The following TESMIN variants were observed in gnomAD, a reference collection of about 807,000 sequenced individuals.
TESMIN encodes CXC domain containing 2.
A neutral mutation model predicts 47.4 loss-of-function variants in TESMIN; 34 were observed. The observed-to-expected ratio is 0.72, with a 90% CI of 0.55 to 0.96. The LOEUF is 0.96. Ranked by LOEUF, TESMIN falls within the 40% of genes least tolerant of loss-of-function variation. The probability of loss-of-function intolerance (pLI) is 0.00; values close to 1 mark genes in which losing one functional copy is unlikely to be tolerated. For synonymous variants in TESMIN, 278 were observed against 258.9 expected, an observed-to-expected ratio of 1.07 and a Z score of -0.71; for missense variants, 610 against 637.2, an observed-to-expected ratio of 0.96 and a Z score of 0.46.
Position 68,750,055 on chromosome 11 carries a change from T to C in TESMIN, c.471+135A>G, listed in dbSNP as rs910493550. On this transcript the variant is annotated intron_variant, in intron 2 of 9. Transcript: ENST00000255087. ...GAGTATACGCTCTACCGAGAATCAGTGACTCCGGTGGGCTGTGTGTGGTGT... is the reference window on the plus strand; with the variant it reads ...GAGTATACGCTCTACCGAGAATCAGCGACTCCGGTGGGCTGTGTGTGGTGT... 1.2e-5 allele frequency: 8 copies of C among 652,832 alleles called. No homozygotes were observed. The African/African-American group carries it at 1.3e-4, about 11-fold the overall frequency. The allele number at this position is 652,832 out of a possible 1,614,324, so 40.4% of individuals were successfully genotyped here. A position where few individuals can be genotyped will look rare whatever the true frequency, so the allele number is the denominator to read the frequency against.
At chr11:68,733,220 GA>G (rs1362841990) in intron 6 of TESMIN, among the ~76,000 whole-genome samples, 1 of 152,148 alleles carries the variant, frequency 6.6e-6, no homozygotes, top group East Asian at 1.9e-4. Flanking sequence ...ACCATCCCTT[GA>G]CCACACCTCC....
At chr11:68,744,595 T>C (rs1392575770) in intron 4 of TESMIN, among the ~76,000 whole-genome samples, 2 of 152,246 alleles carry the variant, frequency 1.3e-5, no homozygotes, top group Non-Finnish European at 2.9e-5. Context: ...ATGTTTACAT[T>C]AAAATGTAGG....
rs777110511 is a variant in TESMIN at position 68,747,338 on chromosome 11, G to A, written c.500C>T (p.Thr167Ile). The A allele has an allele frequency of 6.2e-7, 1 of 1,613,846 alleles. No homozygotes were observed. Among genetic ancestry groups the A allele is most frequent in the South Asian group, 1.1e-5 (1 of 91,082 alleles). Reference sequence around the variant, plus strand: ...TGCTTCTTCCGGATTATTACTTGTAGTAGTACCACCTGCTTCCTTGATTTC... The same window carrying A: ...TGCTTCTTCCGGATTATTACTTGTAATAGTACCACCTGCTTCCTTGATTTC... ...PVEIKEAGGT[T>I]TSNNPEEATL... The change falls in exon 3 of 10, where the codon ACT (threonine) becomes ATT (isoleucine). Residue 167 changes from threonine (T) to isoleucine (I), a missense_variant. Thr to Ile is a moderately conservative substitution (Grantham distance 89). Transcript: ENST00000255087.
At chr11:68,748,163 T>C (rs1946545752) in intron 2 of TESMIN, among the ~76,000 whole-genome samples, 1 of 152,202 alleles carries the variant, frequency 6.6e-6, no homozygotes, top group African/African-American at 2.4e-5. Flanking sequence ...GGTAACATAC[T>C]GAAGACCTCA....
chr11:68,735,764 T>C (rs901274092), intron 6 of TESMIN, among the ~76,000 whole-genome samples: 4 of 152,204 alleles, frequency 2.6e-5, no homozygotes, highest in Non-Finnish European at 4.4e-5. Context: ...AGAGGCAGCA[T>C]AGTTCGGCAC....
At chr11:68,709,507 G>A (rs1946037673) in intron 9 of TESMIN, among the ~76,000 whole-genome samples, 1 of 152,182 alleles carries the variant, frequency 6.6e-6, no homozygotes, top group Admixed American at 6.5e-5. Context: ...ATCACATAGC[G>A]CCAGCTATTC....
intron 6 of TESMIN, among the ~76,000 whole-genome samples, chr11:68,728,486 C>T (rs1946291053): frequency 6.6e-6 from 1 of 152,228 alleles, no homozygotes; most frequent in African/African-American, 2.4e-5. Flanking sequence ...GGTGAAGCAG[C>T]AAGTTCTGAT....
Position 68,708,330 on chromosome 11 carries a change from G to T in TESMIN, c.1505C>A (p.Ser502Tyr). Residue 502 changes from serine (S) to tyrosine (Y), a missense_variant, in exon 10 of 10, where the codon TCT (serine) becomes TAT (tyrosine). Coordinates refer to ENST00000255087, the MANE Select transcript of TESMIN (RefSeq NM_004923.3). ...LSQILHTEFK[S>Y]KGLKME ...ACTCTACTCCATTTTCAATCCCTTA[G>T]ATTTAAACTCAGTGTGGAGAATCTG... 6.2e-7 allele frequency: 1 copy of T among 1,609,086 alleles called. No homozygotes were observed. The highest frequency in any genetic ancestry group is 1.1e-5 in the South Asian group (1 of 90,208).
intron 6 of TESMIN, among the ~76,000 whole-genome samples, chr11:68,734,832 G>C (rs1035901389): frequency 6.6e-6 from 1 of 152,326 alleles, no homozygotes; most frequent in South Asian, 2.1e-4. Flanking sequence ...TCTGTGCTCC[G>C]AGCGCCCGCA....
At chr11:68,722,698 C>T (rs1946216916) in intron 6 of TESMIN, among the ~76,000 whole-genome samples, 1 of 152,066 alleles carries the variant, frequency 6.6e-6, no homozygotes, top group African/African-American at 2.4e-5. Context: ...ACAGAAAGTG[C>T]AAAACTAAAG....
chr11:68,733,895 A>T (rs762653340), intron 6 of TESMIN, among the ~76,000 whole-genome samples: 91 of 152,300 alleles, frequency 6.0e-4, no homozygotes, highest in Non-Finnish European at 1.1e-3. Context: ...TGATGGAACT[A>T]GCACCACCAA....
chr11:68,729,111 G>A (rs1946298254), intron 6 of TESMIN, among the ~76,000 whole-genome samples: 1 of 152,200 alleles, frequency 6.6e-6, no homozygotes, highest in Non-Finnish European at 1.5e-5. Flanking sequence ...TGATTCTTCT[G>A]ATGGATCTGG....
At position 68,708,050 on chromosome 11, in the gene TESMIN, C is replaced by T. The variant is rs890601001; in HGVS notation, c.*258G>A. The T allele has an allele frequency of 1.3e-4, 63 of 492,580 alleles. No individual in the cohort carries two copies. The highest frequency in any genetic ancestry group is 1.2e-3 in the African/African-American group (60 of 51,496). 30.5% of individuals were successfully genotyped at this position (492,580 alleles called of 1,614,324 possible). ...CCCTGCTCTGCCCTCCGCCGCCCTG[C>T]AGACACTCTCCCAGGACTATGGGAA... On this transcript the variant is annotated 3_prime_UTR_variant, in exon 10 of 10. Transcript: ENST00000255087.
chr11:68,748,531 A>G (rs1946549671), intron 2 of TESMIN, among the ~76,000 whole-genome samples: 1 of 152,244 alleles, frequency 6.6e-6, no homozygotes, highest in Admixed American at 6.5e-5. Flanking sequence ...TATGCAACTA[A>G]TATCTGAACT....
chr11:68,737,055 G>A (rs1946395631), intron 6 of TESMIN: 2 of 985,208 alleles, frequency 2.0e-6, no homozygotes, highest in Admixed American at 6.2e-5. Context: ...TTGACCAGAT[G>A]CCCCCAGATT....
intron 6 of TESMIN, among the ~76,000 whole-genome samples, chr11:68,716,909 C>T (rs1171362755): frequency 1.3e-5 from 2 of 152,204 alleles, no homozygotes; most frequent in East Asian, 3.9e-4. Flanking sequence ...CATGGTTCAT[C>T]GAAAAGAGCT....
chr11:68,726,589 ATTAT>A (rs1387506333), intron 6 of TESMIN, among the ~76,000 whole-genome samples: 1 of 152,252 alleles, frequency 6.6e-6, no homozygotes, highest in Admixed American at 6.5e-5. Context: ...AGAGAAGATA[ATTAT>A]TTCATATTTT....
rs191063943 is a variant in TESMIN, at chr11:68,748,067, C to T, written c.472-701G>A. 1.7e-3 allele frequency among the ~76,000 whole-genome samples: 253 copies of T among 152,328 alleles called. 1 individual carries two copies. The highest frequency in any genetic ancestry group is 5.6e-3 in the African/African-American group (232 of 41,566). ...CCCTCCTCCTCCACCTACACTTGCC[C>T]GAGCTGCCTGGACCAGAGGACAGTG... On this transcript the variant is annotated intron_variant, in intron 2 of 9. Coordinates refer to ENST00000255087, the MANE Select transcript of TESMIN (RefSeq NM_004923.3).
At chr11:68,734,745 T>G (rs779232167) in intron 6 of TESMIN, among the ~76,000 whole-genome samples, 46 of 152,226 alleles carry the variant, frequency 3.0e-4, no homozygotes, top group Non-Finnish European at 4.7e-4. Context: ...GCTGTCAGCC[T>G]CGCGCCATCT....
Sources: gnomAD v4.1 joint callset for allele counts (sites outside exome capture counted in the v4.1 genomes callset) on GRCh38, gnomAD v4.1.1 for gene constraint, MANE v1.5 for transcripts, NCBI Gene and HGNC (gene_info 2026-07-23, HGNC 2026-07-21) for gene names.